The following COG2 variants were observed in gnomAD, a reference collection of about 807,000 sequenced individuals.
The protein encoded by COG2 is conserved oligomeric Golgi complex subunit 2.
COG2 carries 52 observed loss-of-function variants against 90.6 expected under a neutral mutation model. The ratio of observed to expected loss-of-function variants is 0.57; its 90% CI spans 0.46 to 0.72. The LOEUF is 0.72. Among genes scored for constraint, COG2 ranks in the 30% least tolerant of loss-of-function variants. The pLI is 0.00. For missense variants in COG2, 829 were observed against 891.2 expected, an observed-to-expected ratio of 0.93 and a Z score of 0.89; for synonymous variants, 337 against 320.4, an observed-to-expected ratio of 1.05 and a Z score of -0.55.
intron 1 of COG2, chr1:230,642,893 T>A (rs766864426): frequency 1.8e-6 from 1 of 548,460 alleles, no homozygotes; most frequent in African/African-American, 2.0e-5. Context: ...GCGTGTTACA[T>A]GGAAAGGCCT....
intron 4 of COG2, among the ~76,000 whole-genome samples, chr1:230,663,699 TAAC>T (rs1388612408): frequency 6.6e-6 from 1 of 152,234 alleles, no homozygotes; most frequent in Admixed American, 6.5e-5. Flanking sequence ...TTTGTTATTT[TAAC>T]AATGAGTTTT....
chr1:230,678,506 C>A, intron 9 of COG2: 1 of 985,262 alleles, frequency 1.0e-6, no homozygotes, highest in Non-Finnish European at 1.2e-6. Context: ...TGGTTTGATT[C>A]TTTCTCTTCT....
At position 230,693,383 on chromosome 1, in the gene COG2, A is replaced by T. The variant is rs1260765474; in HGVS notation, c.2207A>T (p.Glu736Val). The change falls in exon 18 of 18, where the codon GAG (glutamate) becomes GTG (valine). Residue 736 changes from glutamate to valine, a missense_variant. By Grantham distance (121) the Glu-to-Val change is moderately radical (BLOSUM62 -2). Transcript: ENST00000366669. The part of the protein sequence containing the change: ...VAAAKDQATA[E>V]QP The stretch of plus-strand genomic sequence containing the variant: ...GCTGCCAAGGACCAGGCAACAGCAG[A>T]GCAGCCTTAAGCATCTTGGAAGATC... The T allele has an allele frequency of 6.2e-7, 1 of 1,604,040 alleles. No homozygotes were observed. Among genetic ancestry groups the T allele is most frequent in the African/African-American group, 1.3e-5 (1 of 74,604 alleles).
chr1:230,664,465 C>T lies in COG2; in HGVS notation c.382-19C>T, dbSNP rs1248353441. On this transcript the variant is annotated intron_variant, in intron 4 of 17. Transcript: ENST00000366669. ...GATTAAACATGACAATAACTTTTTT[C>T]CTTAATTTTTATTTATAGATGTGTG... The T allele has an allele frequency of 1.8e-6, 2 of 1,105,278 alleles. No homozygotes were observed. The highest frequency in any genetic ancestry group is 2.6e-5 in the East Asian group (1 of 38,372). The allele number at this position is 1,105,278 out of a possible 1,614,324, so 68.5% of individuals were successfully genotyped here.
At chr1:230,652,846 C>T (rs552037376) in intron 1 of COG2, among the ~76,000 whole-genome samples, 1 of 152,198 alleles carries the variant, frequency 6.6e-6, no homozygotes, top group East Asian at 1.9e-4. Flanking sequence ...TGCTTGCCCA[C>T]CCCAGCTTTA....
chr1:230,689,983 G>T (rs1181287070), intron 15 of COG2, 31 bp from the exon 16 acceptor site: 3 of 1,534,356 alleles, frequency 2.0e-6, no homozygotes, highest in African/African-American at 1.4e-5. Context: ...TTTTTCCTGT[G>T]CATCTTTATC....
At chr1:230,692,099 T>C (rs1465059531) in intron 17 of COG2, among the ~76,000 whole-genome samples, 1 of 152,014 alleles carries the variant, frequency 6.6e-6, no homozygotes, top group Non-Finnish European at 1.5e-5. Context: ...TAAGGTGCAA[T>C]GAATGTCTTT....
chr1:230,681,527 A>G (rs1054199711), intron 10 of COG2: 1 of 152,174 alleles, frequency 6.6e-6, no homozygotes, highest in Non-Finnish European at 1.5e-5. Context: ...TATTATCGCC[A>G]TTGTTATTTT....
At chr1:230,672,440 G>A (rs573224005) in intron 8 of COG2, among the ~76,000 whole-genome samples, 5 of 152,140 alleles carry the variant, frequency 3.3e-5, no homozygotes, top group Admixed American at 1.3e-4. Flanking sequence ...GTGCTTCTGC[G>A]TTTTTCCTCT....
rs1662134889 is a variant in COG2, at chr1:230,659,467, G to T, written c.76G>T (p.Asp26Tyr). ...CTTCTCTGGTTTTATTTTTCAGGAA[G>T]ATTTCGATGTCGATCATTTTGTGTC... is the stretch of plus-strand genomic sequence containing the variant. The part of the protein sequence containing the change: ...CFDKDEFMKE[D>Y]FDVDHFVSDC... The change falls in exon 2 of 18, where the codon GAT becomes TAT. Residue 26 changes from aspartate to tyrosine, a missense_variant. Asp to Tyr is a radical substitution (Grantham distance 160, BLOSUM62 -3). Transcript: ENST00000366669. 1 of 1,613,292 alleles carries T rather than the reference G, an allele frequency of 6.2e-7. No homozygotes were observed. Among genetic ancestry groups the T allele is most frequent in the Non-Finnish European group, 8.5e-7 (1 of 1,179,470 alleles).
At chr1:230,688,035 A>G in intron 13 of COG2, 36 bp from the exon 14 acceptor site, 4 of 1,423,540 alleles carry the variant, frequency 2.8e-6, no homozygotes, top group Non-Finnish European at 3.8e-6. Context: ...GATTTATAAA[A>G]AGTAACTGAA....
In COG2 at chr1:230,660,765, T is replaced by G; in HGVS notation, c.242T>G (p.Met81Arg). The part of the protein sequence containing the change: ...FVNLSTNLVG[M>R]DKALNQLSVP... Reference sequence around the variant, plus strand: ...CATGATTTCTGCCTTTAGGTTGGCATGGACAAAGCCCTCAACCAGCTTTCT... The same window carrying G: ...CATGATTTCTGCCTTTAGGTTGGCAGGGACAAAGCCCTCAACCAGCTTTCT... Residue 81 changes from methionine to arginine, a missense_variant, in exon 3 of 18, where the codon ATG (methionine) becomes AGG (arginine). By Grantham distance (91) the Met-to-Arg change is moderately conservative (BLOSUM62 -1). Transcript: ENST00000366669. The G allele has an allele frequency of 6.3e-7, 1 of 1,586,756 alleles. No homozygotes were observed. The highest frequency in any genetic ancestry group is 8.6e-7 in the Non-Finnish European group (1 of 1,169,064).
At chr1:230,683,508 G>A in intron 10 of COG2, 66 bp from the exon 11 acceptor site, 3 of 1,244,098 alleles carry the variant, frequency 2.4e-6, no homozygotes, top group Non-Finnish European at 3.5e-6. Context: ...GAAAAACAGA[G>A]AATGGATAGG....
intron 4 of COG2, among the ~76,000 whole-genome samples, chr1:230,663,865 G>A (rs575611352): frequency 6.6e-6 from 1 of 152,250 alleles, no homozygotes; most frequent in African/African-American, 2.4e-5. Context: ...GAACATAAAT[G>A]TAGTACCAAA....
chr1:230,681,289 C>T (rs1260674945), intron 10 of COG2: 1 of 152,184 alleles, frequency 6.6e-6, no homozygotes, highest in African/African-American at 2.4e-5. Context: ...TTTCAGTTTG[C>T]TGTTCTTTTT....
intron 3 of COG2, 48 bp downstream of exon 3, chr1:230,660,871 G>A: frequency 7.6e-7 from 1 of 1,311,126 alleles, no homozygotes; most frequent in South Asian, 1.5e-5. Context: ...AGCATGATAT[G>A]CTTGTTTGCC....
At chr1:230,689,826 C>T (rs944115660) in intron 15 of COG2, 188 bp from the exon 16 acceptor site, 3 of 533,108 alleles carry the variant, frequency 5.6e-6, no homozygotes, top group Middle Eastern at 5.1e-4. Context: ...GCTGGCTCTT[C>T]TTATTCCCTC....
intron 7 of COG2, 197 bp from the exon 8 acceptor site, chr1:230,671,319 A>C: frequency 2.6e-6 from 1 of 386,714 alleles, no homozygotes; most frequent in Non-Finnish European, 4.7e-6. Flanking sequence ...CCACAGTTGT[A>C]TCTGTACAGC....
At chr1:230,689,959 G>C in intron 15 of COG2, 55 bp from the exon 16 acceptor site, 1 of 1,499,442 alleles carries the variant, frequency 6.7e-7, no homozygotes, top group Non-Finnish European at 8.9e-7. Context: ...GTAACTTACT[G>C]TTTCTTTTCT....
Sources: gnomAD v4.1 joint callset for allele counts (sites outside exome capture counted in the v4.1 genomes callset) on GRCh38, gnomAD v4.1.1 for gene constraint, MANE v1.5 for transcripts, NCBI Gene and HGNC (gene_info 2026-07-23, HGNC 2026-07-21) for gene names.